TMEM61: variants seen among roughly 807,000 people sequenced by gnomAD.
The protein encoded by TMEM61 is transmembrane protein 61.
In TMEM61, 13 loss-of-function variants were observed where a neutral mutation model predicts 12.0. That is an observed-to-expected ratio of 1.08 (90% CI 0.70 to 1.72). The LOEUF is 1.72. Ranked by LOEUF, TMEM61 falls within the 40% of genes most tolerant of loss-of-function variation. The pLI is 0.00. For missense variants in TMEM61, 249 were observed against 276.9 expected, an observed-to-expected ratio of 0.90 and a Z score of 0.71; for synonymous variants, 109 against 121.4, an observed-to-expected ratio of 0.90 and a Z score of 0.67.
In TMEM61 at chr1:54,983,109, G is replaced by GTTTTTTTTTTTTTTTTTTTT. The variant is rs780127208; in HGVS notation, c.15+2041_15+2042insTTTTTTTTTTTTTTTTTTTT. Among the ~76,000 whole-genome samples the GTTTTTTTTTTTTTTTTTTTT allele has an allele frequency of 3.2e-4, 35 of 109,542 alleles. 4 individuals carry two copies. The highest frequency in any genetic ancestry group is 4.4e-4 in the Non-Finnish European group (24 of 54,414). The allele number at this position is 109,542 out of a possible 152,430, so 71.9% of individuals were successfully genotyped here. A position where few individuals can be genotyped will look rare whatever the true frequency, so the allele number is the denominator to read the frequency against. The stretch of plus-strand genomic sequence containing the variant: ...TTAGTGGTGATTTGTGTTTTGCTTT[G>GTTTTTTTTTTTTTTTTTTTT]TTTTTTTTTTTTGTTTTTTTTTGAG... On this transcript the variant is annotated intron_variant, in intron 1 of 2. Transcript: ENST00000371268.
chr1:54,984,953 T>A (rs547553428), intron 1 of TMEM61, among the ~76,000 whole-genome samples: 38 of 152,194 alleles, frequency 2.5e-4, no homozygotes, highest in East Asian at 3.9e-4. Context: ...CCCTTCCAGG[T>A]TTTTCCCCCC....
chr1:54,986,341 G>T lies in TMEM61; in HGVS notation c.260G>T (p.Trp87Leu), dbSNP rs1179690134. Residue 87 changes from tryptophan to leucine, a missense_variant, in exon 2 of 3, where the codon TGG becomes TTG. Coordinates refer to ENST00000371268, the MANE Select transcript of TMEM61 (RefSeq NM_182532.3). ...GGLLLLIGLL[W>L]SVKASIPGPP... is the part of the protein sequence containing the mutation. Reference sequence around the variant, plus strand: ...CTGCTGCTGCTCATTGGCCTGCTGTGGTCCGTCAAGGCCAGCATCCCAGGG... The same window carrying T: ...CTGCTGCTGCTCATTGGCCTGCTGTTGTCCGTCAAGGCCAGCATCCCAGGG... 3 of 1,613,914 alleles carry T rather than the reference G, an allele frequency of 1.9e-6. No homozygotes were observed. The Admixed American group carries it at 5.0e-5, about 27-fold the overall frequency.
In TMEM61 at chr1:54,986,540, C is replaced by A. The variant is rs74072391; in HGVS notation, c.365+94C>A. The A allele has an allele frequency of 3.2e-3, 3,630 of 1,128,640 alleles. 73 individuals carry two copies. In the African/African-American group the frequency reaches 0.05, roughly 16 times the overall value. 69.9% of individuals were successfully genotyped at this position (1,128,640 alleles called of 1,614,324 possible). A position where few individuals can be genotyped will look rare whatever the true frequency, so the allele number is the denominator to read the frequency against. ...CCAGCATTTGTAATTCCAGCAAATT[C>A]TCATGGGGTTCCTCCTTTGGATCAG... is the stretch of plus-strand genomic sequence containing the variant. On this transcript the variant is annotated intron_variant, in intron 2 of 2. Coordinates refer to ENST00000371268, the MANE Select transcript of TMEM61 (RefSeq NM_182532.3).
intron 2 of TMEM61, among the ~76,000 whole-genome samples, chr1:54,988,824 T>C (rs1030046900): frequency 6.6e-6 from 1 of 152,222 alleles, no homozygotes; most frequent in Non-Finnish European, 1.5e-5. Context: ...CTCAGGAAGC[T>C]CCTATCTTGA....
chr1:54,982,391 G>C (rs917340854), intron 1 of TMEM61, among the ~76,000 whole-genome samples: 7 of 152,164 alleles, frequency 4.6e-5, no homozygotes, highest in African/African-American at 1.7e-4. Flanking sequence ...CCTGCTGATA[G>C]TGACATCCCT....
intron 2 of TMEM61, among the ~76,000 whole-genome samples, chr1:54,986,912 G>A (rs1644265217): frequency 6.6e-6 from 1 of 152,168 alleles, no homozygotes; most frequent in Non-Finnish European, 1.5e-5. Context: ...AGGACTAATA[G>A]CAACAGCAAT....
At position 54,992,166 on chromosome 1, in the gene TMEM61, A is replaced by G; in HGVS notation, c.*63A>G. ...CCGTGCCTTCTCCAGAGTCTTATGC[A>G]GTGCCTGGGACACAGTAGGCACTCA... On this transcript the variant is annotated 3_prime_UTR_variant, in exon 3 of 3. Coordinates refer to ENST00000371268, the MANE Select transcript of TMEM61 (RefSeq NM_182532.3). 6.4e-7 allele frequency: 1 copy of G among 1,561,516 alleles called. No individual in the cohort carries two copies. Among genetic ancestry groups the G allele is most frequent in the Non-Finnish European group, 8.6e-7 (1 of 1,156,660 alleles).
rs889111061 is a variant in TMEM61, at chr1:54,991,955, G to A, written c.485G>A (p.Arg162Lys). 1.9e-6 allele frequency: 3 copies of A among 1,614,170 alleles called. No individual in the cohort carries two copies. Among genetic ancestry groups the A allele is most frequent in the Non-Finnish European group, 1.7e-6 (2 of 1,180,028 alleles). ...GAAGCCCTGGAGCCAAGTGGATCGAGGGATGCCCTGCTCAGCACCCAGCCC... is the reference window on the plus strand; with the variant it reads ...GAAGCCCTGGAGCCAAGTGGATCGAAGGATGCCCTGCTCAGCACCCAGCCC... ...TEEALEPSGS[R>K]DALLSTQPAW... The change falls in exon 3 of 3, where the codon AGG (arginine) becomes AAG (lysine). Residue 162 changes from arginine to lysine, a missense_variant. Arg to Lys is a conservative substitution (Grantham distance 26). Coordinates refer to ENST00000371268, the MANE Select transcript of TMEM61 (RefSeq NM_182532.3).
rs1644302275 is a variant in TMEM61, at chr1:54,991,938, G to A, written c.468G>A (p.Leu156=). ...CTGCATACCCTACGGAGGAAGCCCT[G>A]GAGCCAAGTGGATCGAGGGATGCCC... is the stretch of plus-strand genomic sequence containing the variant. The part of the protein sequence containing the change: ...TPPAYPTEEA[L]EPSGSRDALL... The change falls in exon 3 of 3, where the codon CTG becomes CTA. Residue 156 remains leucine, a synonymous_variant. Transcript: ENST00000371268. 1.2e-6 allele frequency: 2 copies of A among 1,614,048 alleles called. 1 individual carries two copies. The highest frequency in any genetic ancestry group is 2.7e-5 in the African/African-American group (2 of 74,906).
intron 2 of TMEM61, among the ~76,000 whole-genome samples, chr1:54,988,603 C>T (rs1644275517): frequency 6.6e-6 from 1 of 152,234 alleles, no homozygotes; most frequent in Non-Finnish European, 1.5e-5. Context: ...CTGGTGGTGC[C>T]CGCTGTGGGT....
At chr1:54,981,625 AC>A (rs1290277244) in intron 1 of TMEM61, among the ~76,000 whole-genome samples, 3 of 152,172 alleles carry the variant, frequency 2.0e-5, no homozygotes, top group African/African-American at 7.2e-5. Context: ...CTCAAACAAA[AC>A]AAAACAAAAC....
At chr1:54,982,882 T>G (rs1462356298) in intron 1 of TMEM61, among the ~76,000 whole-genome samples, 2 of 152,116 alleles carry the variant, frequency 1.3e-5, no homozygotes, top group African/African-American at 4.8e-5. Context: ...GTGGCCACAG[T>G]GTCTTTAGGA....
chr1:54,990,657 C>T (rs2249497), intron 2 of TMEM61, among the ~76,000 whole-genome samples: 114,677 of 151,984 alleles, frequency 0.75, 43,402 homozygotes, highest in African/African-American at 0.8. Flanking sequence ...CCTCTCTCAG[C>T]CTTGTGGGGC....
Position 54,987,077 on chromosome 1 carries a change from T to C in TMEM61, c.365+631T>C, listed in dbSNP as rs149477734. On this transcript the variant is annotated intron_variant, in intron 2 of 2. Transcript: ENST00000371268. ...GAAAAGGAGGCATGGAGACACTAAG[T>C]AACTCAGCCAAGGACATCAGATAGT... 4.8e-3 allele frequency among the ~76,000 whole-genome samples: 726 copies of C among 152,278 alleles called. 4 individuals are homozygous for C. Among genetic ancestry groups the C allele is most frequent in the Non-Finnish European group, 5.8e-3 (396 of 68,014 alleles).
chr1:54,988,550 T>C (rs1644275344), intron 2 of TMEM61, among the ~76,000 whole-genome samples: 1 of 152,190 alleles, frequency 6.6e-6, no homozygotes, highest in South Asian at 2.1e-4. Flanking sequence ...CTGGCCCCCA[T>C]GGGTGGCTAC....
In TMEM61 at chr1:54,986,249, T is replaced by G. The variant is rs1471790729; in HGVS notation, c.168T>G (p.Tyr56Ter). 1 of 1,613,676 alleles carries G rather than the reference T, an allele frequency of 6.2e-7. No homozygotes were observed. Among genetic ancestry groups the G allele is most frequent in the African/African-American group, 1.3e-5 (1 of 74,938 alleles). ...QPGQLAPPTEYPVPEGPSPLL... is the reference protein window; with the variant it reads ...QPGQLAPPTE ...GCCAGCTGGCCCCACCCACGGAGTA[T>G]CCGGTGCCTGAGGGCCCCAGCCCCC... The change falls in exon 2 of 3, where the codon TAT (tyrosine) becomes TAG (stop). Residue 56 changes from tyrosine (Y) to a stop codon, truncating the protein, a stop_gained. Coordinates refer to ENST00000371268, the MANE Select transcript of TMEM61 (RefSeq NM_182532.3). LOFTEE classifies it high-confidence loss of function.
In TMEM61 at chr1:54,986,234, C is replaced by G. The variant is rs145543120; in HGVS notation, c.153C>G (p.Ala51=). The G allele has an allele frequency of 1.2e-6, 2 of 1,613,824 alleles. No individual in the cohort carries two copies. The highest frequency in any genetic ancestry group is 1.7e-6 in the Non-Finnish European group (2 of 1,179,994). Residue 51 remains alanine, a synonymous_variant, in exon 2 of 3, where the codon GCC becomes GCG. Transcript: ENST00000371268. ...CAACCGCCCAGCCTGGCCAGCTGGC[C>G]CCACCCACGGAGTATCCGGTGCCTG... ...GDATAQPGQL[A]PPTEYPVPEG...
chr1:54,984,397 C>T (rs776749515), intron 1 of TMEM61, among the ~76,000 whole-genome samples: 3 of 152,090 alleles, frequency 2.0e-5, no homozygotes, highest in African/African-American at 7.2e-5. Context: ...GAAGCAGGCC[C>T]GGGGCAGGTG....
intron 2 of TMEM61, among the ~76,000 whole-genome samples, chr1:54,991,053 G>C (rs1644294840): frequency 6.6e-6 from 1 of 152,212 alleles, no homozygotes; most frequent in Non-Finnish European, 1.5e-5. Context: ...TGTGTCCCAG[G>C]TTGGGGAGGG....
Sources: gnomAD v4.1 joint callset for allele counts (sites outside exome capture counted in the v4.1 genomes callset) on GRCh38, gnomAD v4.1.1 for gene constraint, MANE v1.5 for transcripts, NCBI Gene and HGNC (gene_info 2026-07-23, HGNC 2026-07-21) for gene names.